The following ATG7 variants were observed in gnomAD, a reference collection of about 807,000 sequenced individuals.
ATG7 encodes the protein ubiquitin-like modifier-activating enzyme ATG7.
ATG7 carries 70 observed loss-of-function variants against 82.4 expected under a neutral mutation model. The ratio of observed to expected loss-of-function variants is 0.85; its 90% CI spans 0.70 to 1.04. ATG7 has a LOEUF of 1.04. ATG7 is among the 50% of genes least tolerant of loss of function. ATG7 has a pLI of 0.00. For synonymous variants in ATG7, 287 were observed against 313.0 expected (o/e 0.92, Z 0.88); for missense variants, 792 against 864.3 (o/e 0.92, Z 1.05).
chr3:11,306,935 G>C lies in ATG7; in HGVS notation c.216-8G>C. ...GTGCCTGACTAACCGTGTTTCTCTT[G>C]TATCTAGGAGTGCTCCCACCCCAGC... On this transcript the variant is annotated splice_region_variant and splice_polypyrimidine_tract_variant and intron_variant, in intron 5 of 20. Coordinates refer to ENST00000693202, the MANE Select transcript of ATG7 (RefSeq NM_001349232.2). 1 of 1,611,182 alleles carries C rather than the reference G, an allele frequency of 6.2e-7. No homozygotes were observed. The highest frequency in any genetic ancestry group is 8.5e-7 in the Non-Finnish European group (1 of 1,177,586).
intron 19 of ATG7, among the ~76,000 whole-genome samples, chr3:11,425,690 C>A (rs569622315): frequency 6.6e-5 from 10 of 151,496 alleles, no homozygotes; most frequent in African/African-American, 1.7e-4. Context: ...AACATATATC[C>A]AAAAAAAACA....
At chr3:11,328,684 G>A (rs987629190) in intron 9 of ATG7, among the ~76,000 whole-genome samples, 4 of 152,156 alleles carry the variant, frequency 2.6e-5, no homozygotes, top group Non-Finnish European at 5.9e-5. Context: ...AAAGGAAATA[G>A]AAAAAATTTG....
chr3:11,453,631 G>T (rs1020541071), intron 20 of ATG7, among the ~76,000 whole-genome samples: 1 of 152,164 alleles, frequency 6.6e-6, no homozygotes, highest in African/African-American at 2.4e-5. Context: ...GCTCTCTTAT[G>T]AGTCATCCTT....
chr3:11,489,647 A>G (rs1452753236), intron 20 of ATG7, among the ~76,000 whole-genome samples: 5 of 144,544 alleles, frequency 3.5e-5, no homozygotes, highest in East Asian at 2.0e-4. Context: ...CACTGCTTTG[A>G]ATGTGTCCCA....
At chr3:11,570,328 C>A in the ATG7 span, among the ~76,000 whole-genome samples, 2 of 152,124 alleles carry the variant, frequency 1.3e-5, no homozygotes, top group Non-Finnish European at 2.9e-5. Context: ...ACCTTCCTGC[C>A]CCAACTGCAG....
At chr3:11,533,137 C>G (rs1030876126) in intron 20 of ATG7, among the ~76,000 whole-genome samples, 1 of 152,180 alleles carries the variant, frequency 6.6e-6, no homozygotes, top group Non-Finnish European at 1.5e-5. Context: ...CTCTTCACCC[C>G]GGGTCTGAAT....
chr3:11,326,176 T>C (rs79415158), intron 9 of ATG7, among the ~76,000 whole-genome samples: 3,301 of 152,294 alleles, frequency 0.022, 112 homozygotes, highest in African/African-American at 0.066. Context: ...AAGTGAGTTT[T>C]TCACTACATC....
chr3:11,368,847 C>G (rs954409811), intron 18 of ATG7, among the ~76,000 whole-genome samples: 6 of 150,856 alleles, frequency 4.0e-5, no homozygotes, highest in Non-Finnish European at 7.4e-5. Flanking sequence ...CAGTTCACAT[C>G]TTTTGTCTTT....
chr3:11,419,903 A>G (rs1463279665), intron 19 of ATG7, among the ~76,000 whole-genome samples: 2 of 152,224 alleles, frequency 1.3e-5, no homozygotes, highest in South Asian at 2.1e-4. Context: ...TTCTACTAAA[A>G]GAGTCATTAT....
chr3:11,382,047 G>C (rs2077944489), intron 19 of ATG7, among the ~76,000 whole-genome samples: 1 of 152,080 alleles, frequency 6.6e-6, no homozygotes, highest in East Asian at 1.9e-4. Flanking sequence ...AAAGATTGGG[G>C]CTAAAAATTA....
At chr3:11,438,766 A>G (rs989737471) in intron 20 of ATG7, among the ~76,000 whole-genome samples, 13 of 152,038 alleles carry the variant, frequency 8.6e-5, no homozygotes, top group African/African-American at 3.1e-4. Flanking sequence ...TATGTGAGAG[A>G]GAAAGTGAAA....
At position 11,546,162 on chromosome 3, in the gene ATG7, ATTTT is replaced by A. The variant is rs36042370; in HGVS notation, c.2080-8625_2080-8622del. Among the ~76,000 whole-genome samples, 570 of 68,836 alleles carry A rather than the reference ATTTT, an allele frequency of 8.3e-3. 3 individuals carry two copies. The highest frequency in any genetic ancestry group is 0.03 in the African/African-American group (509 of 17,028). The allele number at this position is 68,836 out of a possible 152,430, so 45.2% of individuals were successfully genotyped here. A position where few individuals can be genotyped will look rare whatever the true frequency, so the allele number is the denominator to read the frequency against. ...AAAAGTAAAGAAATGCCAAAACTGG[ATTTT>A]TTTTTTTTTTTTTTTTTTTTTTTGA... is the stretch of plus-strand genomic sequence containing the variant. On this transcript the variant is annotated intron_variant, in intron 20 of 20. Transcript: ENST00000693202.
intron 14 of ATG7, among the ~76,000 whole-genome samples, chr3:11,351,794 C>G (rs11128547): frequency 6.6e-6 from 1 of 151,662 alleles, no homozygotes; most frequent in Non-Finnish European, 1.5e-5. Context: ...AACTATTTAA[C>G]TTATTGGTTA....
chr3:11,389,232 CAAAAAAA>C (rs752930553), intron 19 of ATG7, among the ~76,000 whole-genome samples: 1 of 57,250 alleles, frequency 1.7e-5, no homozygotes, highest in Non-Finnish European at 2.9e-5. Context: ...GACCCTGTCT[CAAAAAAA>C]AAAAAAAAAA....
chr3:11,351,921 A>G (rs1029929932), intron 14 of ATG7, among the ~76,000 whole-genome samples: 14 of 151,182 alleles, frequency 9.3e-5, no homozygotes, highest in African/African-American at 3.4e-4. Flanking sequence ...TTACATATGT[A>G]TACATGTGCC....
chr3:11,419,819 A>G (rs776469374), intron 19 of ATG7, among the ~76,000 whole-genome samples: 2 of 152,232 alleles, frequency 1.3e-5, no homozygotes, highest in Non-Finnish European at 2.9e-5. Context: ...ATCTTTGTCC[A>G]AGGTGTGTGT....
At chr3:11,307,558 G>T (rs1472110468) in intron 6 of ATG7, among the ~76,000 whole-genome samples, 1 of 152,170 alleles carries the variant, frequency 6.6e-6, no homozygotes, top group Non-Finnish European at 1.5e-5. Context: ...TTTCCTTTCT[G>T]ACCTCTTTAC....
chr3:11,298,127 C>T lies in ATG7; in HGVS notation c.-10-559C>T, dbSNP rs561339601. 6.2e-4 allele frequency among the ~76,000 whole-genome samples: 94 copies of T among 151,678 alleles called. 1 individual carries two copies. The highest frequency in any genetic ancestry group is 3.5e-3 in the South Asian group (17 of 4,798). On this transcript the variant is annotated intron_variant, in intron 3 of 20. Transcript: ENST00000693202. ...CCGGGAGGCGGAGGTTGTAGTGAGC[C>T]GAGATTGCACCACTGCACTCCAGTG...
In ATG7 at chr3:11,529,661, C is replaced by G. The variant is rs1336224781; in HGVS notation, c.2080-25150C>G. On this transcript the variant is annotated intron_variant, in intron 20 of 20. Coordinates refer to ENST00000693202, the MANE Select transcript of ATG7 (RefSeq NM_001349232.2). The stretch of plus-strand genomic sequence containing the variant: ...ATACCACAGCCTTAAAAATAGGGAA[C>G]TTCTTGATTTTTTTCTCATAATTGA... The G allele has an allele frequency of 1.9e-5, 3 of 156,362 alleles. No homozygotes were observed. The East Asian group carries it at 5.4e-4, about 28-fold the overall frequency. 9.7% of individuals were successfully genotyped at this position (156,362 alleles called of 1,614,324 possible).
Sources: allele counts gnomAD v4.1 joint callset (sites outside exome capture counted in the v4.1 genomes callset), GRCh38; gene constraint gnomAD v4.1.1; transcripts MANE v1.5; gene names NCBI Gene and HGNC (gene_info 2026-07-23, HGNC 2026-07-21).